SGK1: variants seen among roughly 807,000 people sequenced by gnomAD.
The protein encoded by SGK1 is serum/glucocorticoid regulated kinase 1.
SGK1 carries 26 observed loss-of-function variants against 64.2 expected under a neutral mutation model. The ratio of observed to expected loss-of-function variants is 0.40; its 90% confidence interval spans 0.30 to 0.56. The LOEUF is 0.56. SGK1 is among the 20% of genes least tolerant of loss of function. The pLI, the probability that SGK1 is intolerant of heterozygous loss-of-function variation, is 0.38. For missense variants in SGK1, 519 were observed against 645.6 expected, an observed-to-expected ratio of 0.80 and a Z score of 2.12; for synonymous variants, 265 against 239.7, an observed-to-expected ratio of 1.11 and a Z score of -0.98.
intron 11 of SGK1, chr6:134,171,390 G>C (rs1257961494): frequency 1.6e-6 from 1 of 615,946 alleles, no homozygotes; most frequent in Admixed American, 2.9e-5. Flanking sequence ...TGAGGGGGTA[G>C]ATGTTAATAA....
At chr6:134,274,312 G>A (rs1776987009) in intron 1 of SGK1, among the ~76,000 whole-genome samples, 1 of 152,030 alleles carries the variant, frequency 6.6e-6, no homozygotes, top group South Asian at 2.1e-4. Flanking sequence ...CCTCAAATGT[G>A]TTTTTCAATA....
In SGK1 at chr6:134,171,044, C is replaced by A. The variant is rs1314989050; in HGVS notation, c.1302G>T (p.Arg434=). The A allele has an allele frequency of 6.2e-6, 10 of 1,614,006 alleles. No homozygotes were observed. The highest frequency in any genetic ancestry group is 6.8e-6 in the Non-Finnish European group (8 of 1,180,010). The change falls in exon 12 of 14, where the codon CGG becomes CGT. Residue 434 remains arginine (R), a synonymous_variant. Transcript: ENST00000367858. ...TCACGAAGTCATCCTTGGCCCCGAG[C>A]CGCTTTGTCCTGTCCTTCTGCAGGA... ...EGLLQKDRTK[R]LGAKDDFMEI...
At chr6:134,174,389 G>A (rs1426193801) in intron 4 of SGK1, 122 bp downstream of exon 4, 2 of 681,538 alleles carry the variant, frequency 2.9e-6, no homozygotes, top group Non-Finnish European at 5.0e-6. Flanking sequence ...AGAATTTAAG[G>A]AGAAATGAGA....
intron 3 of SGK1, among the ~76,000 whole-genome samples, chr6:134,200,729 C>G (rs1226609131): frequency 1.3e-5 from 2 of 152,052 alleles, no homozygotes. Context: ...CATGGAGAAA[C>G]CCCGTCTCTA....
At chr6:134,317,274 G>A in intron 1 of SGK1, 118 bp downstream of exon 1, 1 of 759,290 alleles carries the variant, frequency 1.3e-6, no homozygotes, top group Non-Finnish European at 2.4e-6. Flanking sequence ...ACTGCCATCA[G>A]AAGCACGGCT....
intron 3 of SGK1, among the ~76,000 whole-genome samples, chr6:134,204,448 C>G (rs1353146172): frequency 7.9e-6 from 1 of 126,072 alleles, no homozygotes; most frequent in Non-Finnish European, 1.6e-5. Flanking sequence ...CCAGCCTGGG[C>G]GACAGAGCAA....
chr6:134,237,158 G>A (rs755863658), intron 2 of SGK1, among the ~76,000 whole-genome samples: 23 of 150,706 alleles, frequency 1.5e-4, no homozygotes, highest in Non-Finnish European at 3.0e-4. Flanking sequence ...GGGCTCAAGC[G>A]ATCCTCCTAC....
chr6:134,204,218 CAAAAAATA>C (rs1562249454), intron 3 of SGK1, among the ~76,000 whole-genome samples: 1 of 131,408 alleles, frequency 7.6e-6, no homozygotes, highest in African/African-American at 2.8e-5. Context: ...ACCAACTAGG[CAAAAAATA>C]AATAAATAAA....
intron 2 of SGK1, among the ~76,000 whole-genome samples, chr6:134,251,428 T>G (rs1168545528): frequency 6.6e-6 from 1 of 152,172 alleles, no homozygotes; most frequent in East Asian, 1.9e-4. Flanking sequence ...TAAATTTAAT[T>G]AGAAGCAGGA....
chr6:134,176,395 A>T (rs868331483), intron 3 of SGK1, among the ~76,000 whole-genome samples: 1 of 152,214 alleles, frequency 6.6e-6, no homozygotes, highest in Non-Finnish European at 1.5e-5. Flanking sequence ...AAGAGAGGGA[A>T]GCTCGAGGCG....
chr6:134,295,487 T>A (rs997984050), intron 1 of SGK1, among the ~76,000 whole-genome samples: 1 of 152,126 alleles, frequency 6.6e-6, no homozygotes, highest in African/African-American at 2.4e-5. Context: ...GTGGATAACC[T>A]GAGGTCAGGA....
At chr6:134,237,058 C>CTTTTTCT (rs1554223394) in intron 2 of SGK1, among the ~76,000 whole-genome samples, 1 of 138,356 alleles carries the variant, frequency 7.2e-6, no homozygotes, top group African/African-American at 2.7e-5. Flanking sequence ...TTTTCTTTTT[C>CTTTTTCT]TTTTTTTTTT....
At position 134,174,608 on chromosome 6, in the gene SGK1, TAAAG is replaced by T. The variant is rs772768966; in HGVS notation, c.362-26_362-23del. Reference sequence around the variant, plus strand: ...AAAGCTGTGGATGAAGGAGGAGAAATAAAGAAACGTTTAGACGGCTTCATAACGT... The same window carrying T: ...AAAGCTGTGGATGAAGGAGGAGAAATAAACGTTTAGACGGCTTCATAACGT... On this transcript the variant is annotated intron_variant, in intron 3 of 13. Coordinates refer to ENST00000367858, the MANE Select transcript of SGK1 (RefSeq NM_001143676.3). 43 of 1,611,348 alleles carry T rather than the reference TAAAG, an allele frequency of 2.7e-5. No homozygotes were observed. The East Asian group carries it at 3.1e-4, about 12-fold the overall frequency.
rs1377658222 is a variant in SGK1, at chr6:134,170,023, A to AGAGATAGCACCACGCTCTG, written c.*244_*245insCAGAGCGTGGTGCTATCTC. 1 of 312,484 alleles carries AGAGATAGCACCACGCTCTG rather than the reference A, an allele frequency of 3.2e-6. No homozygotes were observed. The highest frequency in any genetic ancestry group is 5.3e-5 in the East Asian group (1 of 18,976). 19.4% of individuals were successfully genotyped at this position (312,484 alleles called of 1,614,324 possible). A position where few individuals can be genotyped will look rare whatever the true frequency, so the allele number is the denominator to read the frequency against. On this transcript the variant is annotated 3_prime_UTR_variant, in exon 14 of 14. Transcript: ENST00000367858. Reference sequence around the variant, plus strand: ...CTGCCTCCGTCTAAGGCGGCACTCTAACGCTCGTTTCAGAGATAGCACCAC... The same window carrying AGAGATAGCACCACGCTCTG: ...CTGCCTCCGTCTAAGGCGGCACTCTAGAGATAGCACCACGCTCTGACGCTCGTTTCAGAGATAGCACCAC...
intron 2 of SGK1, among the ~76,000 whole-genome samples, chr6:134,240,605 A>G (rs1776430209): frequency 6.6e-6 from 1 of 152,254 alleles, no homozygotes; most frequent in South Asian, 2.1e-4. Flanking sequence ...TGGAAATTAA[A>G]TGAGATAATG....
intron 2 of SGK1, among the ~76,000 whole-genome samples, chr6:134,246,695 C>T (rs886447326): frequency 6.6e-6 from 1 of 151,862 alleles, no homozygotes; most frequent in African/African-American, 2.4e-5. Context: ...CGGGTTCAAG[C>T]AATTCTCCTG....
intron 1 of SGK1, among the ~76,000 whole-genome samples, chr6:134,274,828 T>A (rs537930192): frequency 2.8e-4 from 42 of 152,118 alleles, no homozygotes; most frequent in Non-Finnish European, 4.7e-4. Context: ...TCTTTTGAGA[T>A]GGAGTCTCAC....
intron 4 of SGK1, 124 bp downstream of exon 4, chr6:134,174,387 A>T: frequency 1.5e-6 from 1 of 673,420 alleles, no homozygotes; most frequent in Non-Finnish European, 2.5e-6. Context: ...TTAGAATTTA[A>T]GGAGAAATGA....
chr6:134,254,573 C>T (rs931910459), intron 2 of SGK1, among the ~76,000 whole-genome samples: 3 of 152,114 alleles, frequency 2.0e-5, no homozygotes, highest in Admixed American at 6.6e-5. Flanking sequence ...AACATTTAAA[C>T]GATATAAAGA....
Sources: gnomAD v4.1 joint callset for allele counts (sites outside exome capture counted in the v4.1 genomes callset) on GRCh38, gnomAD v4.1.1 for gene constraint, MANE v1.5 for transcripts, NCBI Gene and HGNC (gene_info 2026-07-23, HGNC 2026-07-21) for gene names.